COL25A1: variants seen among roughly 807,000 people sequenced by gnomAD.
COL25A1 encodes the protein collagen type XXV alpha 1 chain.
Under a neutral mutation model 128.4 loss-of-function variants are expected in COL25A1, and 103 were observed. That is an observed-to-expected ratio of 0.80 (90% CI 0.68 to 0.94). The LOEUF is 0.94. Ranked by LOEUF, COL25A1 falls within the 40% of genes least tolerant of loss-of-function variation. The pLI is 0.00. For synonymous variants in COL25A1, 279 were observed against 277.2 expected, an observed-to-expected ratio of 1.01 and a Z score of -0.06; for missense variants, 745 against 840.0, an observed-to-expected ratio of 0.89 and a Z score of 1.40.
chr4:108,892,167 T>C (rs1741589142), intron 16 of COL25A1, among the ~76,000 whole-genome samples: 1 of 152,114 alleles, frequency 6.6e-6, no homozygotes, highest in Non-Finnish European at 1.5e-5. Context: ...AATACTGGAT[T>C]AAAGTAGGGG....
At chr4:108,836,023 C>G (rs984018841) in intron 31 of COL25A1, among the ~76,000 whole-genome samples, 1 of 151,632 alleles carries the variant, frequency 6.6e-6, no homozygotes, top group East Asian at 1.9e-4. Context: ...AGGCACCCAC[C>G]ACCAAGCCTG....
At chr4:108,928,538 G>T (rs187427990) in intron 11 of COL25A1, among the ~76,000 whole-genome samples, 3 of 145,184 alleles carry the variant, frequency 2.1e-5, no homozygotes, top group East Asian at 3.9e-4. Flanking sequence ...ATTTATTTAT[G>T]TATTTATTTA....
chr4:109,049,848 G>A (rs1359373960), intron 4 of COL25A1, among the ~76,000 whole-genome samples: 1 of 152,174 alleles, frequency 6.6e-6, no homozygotes, highest in African/African-American at 2.4e-5. Context: ...ATTGTACATA[G>A]AAAGGACAGA....
chr4:108,866,148 T>C (rs1332356324), intron 20 of COL25A1, among the ~76,000 whole-genome samples: 1 of 152,078 alleles, frequency 6.6e-6, no homozygotes, highest in African/African-American at 2.4e-5. Flanking sequence ...TAAACAGTAT[T>C]AGTAAAAGTA....
chr4:108,869,066 G>C, intron 20 of COL25A1, 22 bp downstream of exon 20: 2 of 1,502,278 alleles, frequency 1.3e-6, no homozygotes, highest in Non-Finnish European at 1.8e-6. Flanking sequence ...AAAGAAAGAA[G>C]GAAAGAAAGA....
intron 20 of COL25A1, among the ~76,000 whole-genome samples, chr4:108,866,663 G>C (rs969696905): frequency 1.3e-5 from 2 of 152,152 alleles, no homozygotes; most frequent in African/African-American, 4.8e-5. Context: ...TGAATTTAGT[G>C]GTACAAATCC....
chr4:109,022,163 G>A (rs976903708), intron 5 of COL25A1: 25 of 453,136 alleles, frequency 5.5e-5, no homozygotes, highest in African/African-American at 1.6e-4. Context: ...TGGGCATCAC[G>A]GACCTGCCGA....
At chr4:109,086,033 C>A (rs1764337383) in intron 3 of COL25A1, among the ~76,000 whole-genome samples, 1 of 152,198 alleles carries the variant, frequency 6.6e-6, no homozygotes, top group African/African-American at 2.4e-5. Flanking sequence ...ATTATTAGCT[C>A]TGTTGGAAAG....
At chr4:108,828,865 T>TA (rs1241861994) in intron 32 of COL25A1, among the ~76,000 whole-genome samples, 1 of 152,198 alleles carries the variant, frequency 6.6e-6, no homozygotes, top group Non-Finnish European at 1.5e-5. Flanking sequence ...AGCCACCTGA[T>TA]ATGCCTGTGT....
chr4:109,197,479 T>A (rs1405668078), intron 3 of COL25A1, among the ~76,000 whole-genome samples: 2 of 117,826 alleles, frequency 1.7e-5, no homozygotes, highest in Non-Finnish European at 3.5e-5. Flanking sequence ...ATAATATATA[T>A]TATATATTAT....
At chr4:109,277,961 C>T (rs992777216) in intron 3 of COL25A1, among the ~76,000 whole-genome samples, 1 of 151,970 alleles carries the variant, frequency 6.6e-6, no homozygotes, top group African/African-American at 2.4e-5. Context: ...TGGTGAAACC[C>T]CATCTCTACT....
intron 31 of COL25A1, among the ~76,000 whole-genome samples, chr4:108,837,926 C>T (rs1733998251): frequency 6.6e-6 from 1 of 152,198 alleles, no homozygotes; most frequent in South Asian, 2.1e-4. Flanking sequence ...TCCTCTGACA[C>T]AAGAGAAGAC....
chr4:108,912,393 C>A (rs1744337126), intron 13 of COL25A1, among the ~76,000 whole-genome samples: 1 of 152,058 alleles, frequency 6.6e-6, no homozygotes, highest in South Asian at 2.1e-4. Flanking sequence ...TCACTTTTAA[C>A]ACAAAAAAGA....
At chr4:108,843,509 G>A (rs1481957532) in intron 30 of COL25A1, among the ~76,000 whole-genome samples, 1 of 152,112 alleles carries the variant, frequency 6.6e-6, no homozygotes, top group Non-Finnish European at 1.5e-5. Flanking sequence ...ACTGTCTTTG[G>A]TTTGACATTT....
rs73838548 is a variant in COL25A1 at position 109,242,650 on chromosome 4, C to T, written c.367+57933G>A. ...TATTGACATTATTTGCATTTAGACA[C>T]CAACACTTTTATAAAAATAGATAGA... On this transcript the variant is annotated intron_variant, in intron 3 of 37. Transcript: ENST00000399132. 2.4e-3 allele frequency among the ~76,000 whole-genome samples: 368 copies of T among 152,160 alleles called. 6 individuals are homozygous for T. Among genetic ancestry groups the T allele is most frequent in the African/African-American group, 8.6e-3 (357 of 41,534 alleles).
Position 109,239,416 on chromosome 4 carries a change from A to ATT in COL25A1, c.367+61166_367+61167insAA, listed in dbSNP as rs1358616855. Among the ~76,000 whole-genome samples, 68 of 135,654 alleles carry ATT rather than the reference A, an allele frequency of 5.0e-4. 1 individual carries two copies. The East Asian group carries it at 6.1e-3, about 12-fold the overall frequency. 89.0% of individuals were successfully genotyped at this position (135,654 alleles called of 152,430 possible). ...TGTGTATATATATATATATATATATATATATATTTATTTATTTATTTATTT... is the reference window on the plus strand; with the variant it reads ...TGTGTATATATATATATATATATATATTTATATATTTATTTATTTATTTATTT... On this transcript the variant is annotated intron_variant, in intron 3 of 37. Coordinates refer to ENST00000399132, the MANE Select transcript of COL25A1 (RefSeq NM_198721.4).
At chr4:109,054,388 A>T (rs1238881586) in intron 3 of COL25A1, among the ~76,000 whole-genome samples, 2 of 152,178 alleles carry the variant, frequency 1.3e-5, no homozygotes, top group Non-Finnish European at 2.9e-5. Context: ...CATTTGTATG[A>T]TTATTGTGAG....
intron 3 of COL25A1, among the ~76,000 whole-genome samples, chr4:109,094,637 C>T (rs1435667127): frequency 1.3e-5 from 2 of 152,028 alleles, no homozygotes; most frequent in East Asian, 1.9e-4. Context: ...GTTTGGTAGC[C>T]GACTATCAAC....
chr4:109,117,259 G>A (rs74773481), intron 3 of COL25A1, among the ~76,000 whole-genome samples: 4,900 of 151,392 alleles, frequency 0.032, 141 homozygotes, highest in South Asian at 0.12. Flanking sequence ...CAGAGGGGGA[G>A]AAAAACACCT....
Sources: allele counts gnomAD v4.1 joint callset (sites outside exome capture counted in the v4.1 genomes callset), GRCh38; gene constraint gnomAD v4.1.1; transcripts MANE v1.5; gene names NCBI Gene and HGNC (gene_info 2026-07-23, HGNC 2026-07-21).